Variants in NXPH2 observed in about 807,000 individuals in gnomAD.
NXPH2 encodes the protein neurexophilin-2.
A neutral mutation model predicts 19.8 loss-of-function variants in NXPH2; 5 were observed. The observed-to-expected ratio is 0.25, with a 90% CI of 0.13 to 0.53. NXPH2 has a LOEUF of 0.53. Among genes scored for constraint, NXPH2 ranks in the 20% least tolerant of loss-of-function variants. The pLI, the probability that NXPH2 is intolerant of heterozygous loss-of-function variation, is 0.96. For synonymous variants in NXPH2, 154 were observed against 127.4 expected (o/e 1.21, Z -1.41); for missense variants, 289 against 322.8 (o/e 0.90, Z 0.80).
intron 1 of NXPH2, among the ~76,000 whole-genome samples, chr2:138,749,548 T>G (rs1213734012): frequency 1.3e-5 from 2 of 152,142 alleles, no homozygotes; most frequent in Middle Eastern, 3.2e-3. Flanking sequence ...AAATAATAAT[T>G]TAATACACGT....
intron 1 of NXPH2, among the ~76,000 whole-genome samples, chr2:138,737,990 A>G (rs1237950413): frequency 6.6e-6 from 1 of 151,676 alleles, no homozygotes; most frequent in Non-Finnish European, 1.5e-5. Flanking sequence ...ATATGTATAC[A>G]TGTGCCATGT....
At chr2:138,680,489 C>G (rs2104968957) in intron 1 of NXPH2, among the ~76,000 whole-genome samples, 1 of 152,340 alleles carries the variant, frequency 6.6e-6, no homozygotes, top group East Asian at 1.9e-4. Flanking sequence ...ACTGAGAGTA[C>G]ACTGCTGAGC....
chr2:138,774,043 C>G (rs2104845559), intron 1 of NXPH2, among the ~76,000 whole-genome samples: 1 of 152,276 alleles, frequency 6.6e-6, no homozygotes, highest in East Asian at 1.9e-4. Flanking sequence ...AAAACTATTT[C>G]TGATTTAAAT....
At chr2:138,688,738 ATT>A (rs1367145441) in intron 1 of NXPH2, among the ~76,000 whole-genome samples, 2 of 152,228 alleles carry the variant, frequency 1.3e-5, no homozygotes. Context: ...ACAGATGATC[ATT>A]GCAGTCATAT....
At chr2:138,686,704 C>T (rs1680660711) in intron 1 of NXPH2, among the ~76,000 whole-genome samples, 1 of 152,148 alleles carries the variant, frequency 6.6e-6, no homozygotes, top group Non-Finnish European at 1.5e-5. Context: ...CTCCCCACTC[C>T]TCCCACCCCA....
At chr2:138,731,874 C>T (rs1681458659) in intron 1 of NXPH2, among the ~76,000 whole-genome samples, 1 of 152,108 alleles carries the variant, frequency 6.6e-6, no homozygotes, top group African/African-American at 2.4e-5. Flanking sequence ...ACGTTTTGGG[C>T]CCCAACAGTT....
chr2:138,679,006 A>G (rs62163190), intron 1 of NXPH2, among the ~76,000 whole-genome samples: 17,744 of 152,198 alleles, frequency 0.12, 1,385 homozygotes, highest in Middle Eastern at 0.28. Context: ...TCTGGGTTCT[A>G]TGACAGTCAG....
At chr2:138,739,379 G>C (rs900242637) in intron 1 of NXPH2, among the ~76,000 whole-genome samples, 8 of 152,192 alleles carry the variant, frequency 5.3e-5, no homozygotes, top group African/African-American at 1.7e-4. Flanking sequence ...TCAGAAGAGG[G>C]AGAGATAGTT....
intron 1 of NXPH2, among the ~76,000 whole-genome samples, chr2:138,720,161 G>A (rs966161398): frequency 3.3e-5 from 5 of 151,692 alleles, no homozygotes; most frequent in Non-Finnish European, 7.4e-5. Flanking sequence ...AAAAAACAGA[G>A]GCTATATGGT....
chr2:138,727,735 CTG>C (rs1681381234), intron 1 of NXPH2, among the ~76,000 whole-genome samples: 1 of 152,072 alleles, frequency 6.6e-6, no homozygotes, highest in East Asian at 1.9e-4. Flanking sequence ...TTTCTTGACA[CTG>C]TGTTTTACAA....
At chr2:138,779,161 G>T (rs1460301112) in intron 1 of NXPH2, among the ~76,000 whole-genome samples, 1 of 152,196 alleles carries the variant, frequency 6.6e-6, no homozygotes, top group African/African-American at 2.4e-5. Context: ...AAGTGCTTGG[G>T]CAAAGTCTTA....
chr2:138,746,728 C>A (rs952011494), intron 1 of NXPH2, among the ~76,000 whole-genome samples: 1 of 152,310 alleles, frequency 6.6e-6, no homozygotes, highest in Middle Eastern at 3.4e-3. Flanking sequence ...AGCTCCAAGA[C>A]CCCACTATCA....
At chr2:138,698,725 G>A (rs1043911655) in intron 1 of NXPH2, among the ~76,000 whole-genome samples, 4 of 152,070 alleles carry the variant, frequency 2.6e-5, no homozygotes, top group South Asian at 2.1e-4. Flanking sequence ...GTGGTGGTGC[G>A]TGCCTGTGGT....
chr2:138,733,532 T>C (rs1573970709), intron 1 of NXPH2, among the ~76,000 whole-genome samples: 5 of 152,128 alleles, frequency 3.3e-5, no homozygotes, highest in South Asian at 2.1e-4. Flanking sequence ...TTTAAATGAA[T>C]GGAGAGACAT....
chr2:138,756,014 T>G (rs1245812808), intron 1 of NXPH2, among the ~76,000 whole-genome samples: 2 of 152,044 alleles, frequency 1.3e-5, no homozygotes, highest in Non-Finnish European at 2.9e-5. Flanking sequence ...TTACTAACCT[T>G]GTATCCTGAG....
At chr2:138,719,162 T>G (rs1178158958) in intron 1 of NXPH2, among the ~76,000 whole-genome samples, 1 of 152,170 alleles carries the variant, frequency 6.6e-6, no homozygotes, top group Non-Finnish European at 1.5e-5. Context: ...AGCTATATAA[T>G]GGAATACTGA....
chr2:138,681,694 T>C (rs1471028662), intron 1 of NXPH2, among the ~76,000 whole-genome samples: 2 of 152,208 alleles, frequency 1.3e-5, no homozygotes, highest in African/African-American at 4.8e-5. Flanking sequence ...GACTGGCATA[T>C]TCTACTAGAG....
At chr2:138,674,448 G>A (rs756288988) in intron 1 of NXPH2, among the ~76,000 whole-genome samples, 11 of 151,928 alleles carry the variant, frequency 7.2e-5, no homozygotes, top group Non-Finnish European at 8.8e-5. Flanking sequence ...GCCACTGCTC[G>A]GCTTAATTTT....
chr2:138,671,771 C>T, intron 1 of NXPH2, 106 bp from the exon 2 acceptor site: 2 of 1,173,626 alleles, frequency 1.7e-6, no homozygotes, highest in Admixed American at 3.1e-5. Context: ...TGTTTAGATT[C>T]TTGTTCGACA....
Sources: gnomAD v4.1 joint callset for allele counts (sites outside exome capture counted in the v4.1 genomes callset) on GRCh38, gnomAD v4.1.1 for gene constraint, MANE v1.5 for transcripts, NCBI Gene and HGNC (gene_info 2026-07-23, HGNC 2026-07-21) for gene names.